Variants in HIVEP3 observed in about 807,000 individuals in gnomAD.
The protein encoded by HIVEP3 is transcription factor HIVEP3.
In HIVEP3, 49 loss-of-function variants were observed where a neutral mutation model predicts 152.8. The ratio of observed to expected loss-of-function variants is 0.32; its 90% CI spans 0.26 to 0.41. The LOEUF (loss-of-function observed/expected upper bound fraction) is 0.41. HIVEP3 is among the 10% of genes least tolerant of loss of function. The pLI, the probability that HIVEP3 is intolerant of heterozygous loss-of-function variation, is 1.00. For synonymous variants in HIVEP3, 1,269 were observed against 1,289.0 expected (o/e 0.98, Z 0.33); for missense variants, 2,790 against 3,103.3 (o/e 0.90, Z 2.40).
intron 1 of HIVEP3, among the ~76,000 whole-genome samples, chr1:41,730,425 T>C (rs1018793852): frequency 1.9e-4 from 29 of 152,300 alleles, no homozygotes; most frequent in African/African-American, 6.7e-4. Context: ...CCTGCATCCC[T>C]GGCACCAGTG....
chr1:41,806,526 G>T (rs1212144663), intron 1 of HIVEP3, among the ~76,000 whole-genome samples: 1 of 152,246 alleles, frequency 6.6e-6, no homozygotes, highest in Non-Finnish European at 1.5e-5. Flanking sequence ...GTGTGAATGG[G>T]GGTAAGAAGA....
chr1:41,798,260 C>T (rs544453877), intron 1 of HIVEP3, among the ~76,000 whole-genome samples: 7 of 150,956 alleles, frequency 4.6e-5, no homozygotes, highest in Middle Eastern at 3.4e-3. Flanking sequence ...GCACATTGTG[C>T]ACATGTACCC....
At chr1:41,913,704 T>A (rs906025309) in intron 1 of HIVEP3, among the ~76,000 whole-genome samples, 1 of 152,216 alleles carries the variant, frequency 6.6e-6, no homozygotes, top group Non-Finnish European at 1.5e-5. Flanking sequence ...GCTCCTCTGA[T>A]CTTAAGATAG....
At chr1:41,528,719 C>T (rs1020495872) in intron 5 of HIVEP3, among the ~76,000 whole-genome samples, 1 of 136,322 alleles carries the variant, frequency 7.3e-6, no homozygotes, top group Non-Finnish European at 1.6e-5. Flanking sequence ...ACAGCCCACC[C>T]TCACACTCAT....
Position 41,852,431 on chromosome 1 carries a change from CTTTG to C in HIVEP3, c.-801+65978_-801+65981del, listed in dbSNP as rs140178892. On this transcript the variant is annotated intron_variant, in intron 1 of 8. Coordinates refer to ENST00000372583, the MANE Select transcript of HIVEP3 (RefSeq NM_024503.5). Reference sequence around the variant, plus strand: ...GAAGCCCTCACTTTTGGCCCAAATGCTTTGGATAGGCCAGAATCCCAGAGACAGG... The same window carrying C: ...GAAGCCCTCACTTTTGGCCCAAATGCGATAGGCCAGAATCCCAGAGACAGG... Among the ~76,000 whole-genome samples, 902 of 152,346 alleles carry C rather than the reference CTTTG, an allele frequency of 5.9e-3. 6 individuals carry two copies. Among genetic ancestry groups the C allele is most frequent in the African/African-American group, 0.021 (863 of 41,578 alleles).
chr1:41,696,249 C>T lies in HIVEP3; in HGVS notation c.-721+4667G>A, dbSNP rs1017076405. Among the ~76,000 whole-genome samples, 3 of 152,246 alleles carry T rather than the reference C, an allele frequency of 2.0e-5. No individual in the cohort carries two copies. The East Asian group carries it at 5.8e-4, about 29-fold the overall frequency. On this transcript the variant is annotated intron_variant, in intron 2 of 8. Transcript: ENST00000372583. ...TGTTCCAGCTCCAGTCAAAGACTAT[C>T]CTGTCAAAACATGACCCCATCCAGA... is the stretch of plus-strand genomic sequence containing the variant.
At chr1:41,728,985 A>G (rs1433480523) in intron 1 of HIVEP3, among the ~76,000 whole-genome samples, 5 of 152,142 alleles carry the variant, frequency 3.3e-5, no homozygotes, top group African/African-American at 4.8e-5. Context: ...GCTGCCCACA[A>G]TCTCCACGTG....
chr1:41,880,607 C>T (rs1007604460), intron 1 of HIVEP3, among the ~76,000 whole-genome samples: 4 of 152,100 alleles, frequency 2.6e-5, no homozygotes, highest in Non-Finnish European at 4.4e-5. Flanking sequence ...CGGAGACTTC[C>T]GCCCTTGAGA....
At chr1:41,814,276 C>T (rs527541832) in intron 1 of HIVEP3, among the ~76,000 whole-genome samples, 2 of 152,348 alleles carry the variant, frequency 1.3e-5, no homozygotes, top group South Asian at 2.1e-4. Flanking sequence ...GACCTCTGCG[C>T]TCACACTGCC....
At chr1:41,799,181 C>T (rs1650159818) in intron 1 of HIVEP3, among the ~76,000 whole-genome samples, 1 of 152,142 alleles carries the variant, frequency 6.6e-6, no homozygotes, top group Admixed American at 6.6e-5. Flanking sequence ...CCTCTCAGGC[C>T]ACTAGGTTCT....
chr1:41,839,685 A>G (rs67730850), intron 1 of HIVEP3, among the ~76,000 whole-genome samples: 30,080 of 152,144 alleles, frequency 0.2, 3,125 homozygotes, highest in African/African-American at 0.26. Context: ...AGCCCAGATT[A>G]ATGGCCACGC....
chr1:41,640,741 C>T (rs949299818), intron 2 of HIVEP3, among the ~76,000 whole-genome samples: 4 of 152,208 alleles, frequency 2.6e-5, no homozygotes, highest in South Asian at 2.1e-4. Context: ...GTGTCTTCCA[C>T]GTGCAAAGGC....
At chr1:41,718,461 T>C (rs927624579) in intron 1 of HIVEP3, among the ~76,000 whole-genome samples, 1 of 152,252 alleles carries the variant, frequency 6.6e-6, no homozygotes, top group African/African-American at 2.4e-5. Context: ...GGCAAATGCT[T>C]CTAACACTTG....
chr1:41,531,056 G>T (rs1322068450), intron 5 of HIVEP3, among the ~76,000 whole-genome samples: 5 of 151,162 alleles, frequency 3.3e-5, no homozygotes, highest in African/African-American at 1.2e-4. Context: ...GAATGGGAGA[G>T]AAGGGAGGAC....
intron 1 of HIVEP3, among the ~76,000 whole-genome samples, chr1:41,751,785 C>T (rs1647167536): frequency 6.6e-6 from 1 of 152,088 alleles, no homozygotes; most frequent in African/African-American, 2.4e-5. Flanking sequence ...CAGCACTAGG[C>T]CCATCTGCAC....
At chr1:41,569,900 G>A (rs1267269167) in intron 5 of HIVEP3, among the ~76,000 whole-genome samples, 1 of 152,218 alleles carries the variant, frequency 6.6e-6, no homozygotes, top group South Asian at 2.1e-4. Context: ...GAACAGTAAT[G>A]AATTAAATAA....
At chr1:41,878,064 T>C (rs1644199050) in intron 1 of HIVEP3, among the ~76,000 whole-genome samples, 1 of 152,186 alleles carries the variant, frequency 6.6e-6, no homozygotes, top group Non-Finnish European at 1.5e-5. Flanking sequence ...GAAATATACA[T>C]ACATAATTTT....
At chr1:41,717,413 G>T (rs1390967043) in intron 1 of HIVEP3, among the ~76,000 whole-genome samples, 1 of 152,228 alleles carries the variant, frequency 6.6e-6, no homozygotes, top group Non-Finnish European at 1.5e-5. Flanking sequence ...GTGGTAATGA[G>T]CCCTATGAAA....
chr1:41,538,880 G>C (rs1198868524), intron 5 of HIVEP3, among the ~76,000 whole-genome samples: 2 of 152,084 alleles, frequency 1.3e-5, no homozygotes, highest in East Asian at 1.9e-4. Context: ...AGCAGCCCTG[G>C]CCTGCAGGGT....
Sources: allele counts gnomAD v4.1 joint callset (sites outside exome capture counted in the v4.1 genomes callset), GRCh38; gene constraint gnomAD v4.1.1; transcripts MANE v1.5; gene names NCBI Gene and HGNC (gene_info 2026-07-23, HGNC 2026-07-21).